Variants in RBFOX3 observed in about 807,000 individuals in gnomAD.
RBFOX3 encodes the protein RNA binding protein fox-1 homolog 3.
Under a neutral mutation model 48.7 loss-of-function variants are expected in RBFOX3, and 17 were observed. The observed-to-expected ratio is 0.35, with a 90% CI of 0.24 to 0.52. The LOEUF (loss-of-function observed/expected upper bound fraction) is 0.52, where lower values mean the gene tolerates loss of function less well. RBFOX3 is among the 20% of genes least tolerant of loss of function. The pLI, the probability that RBFOX3 is intolerant of heterozygous loss-of-function variation, is 0.94. For synonymous variants in RBFOX3, 212 were observed against 209.5 expected, an observed-to-expected ratio of 1.01 and a Z score of -0.10; for missense variants, 382 against 497.5, an observed-to-expected ratio of 0.77 and a Z score of 2.21.
intron 2 of RBFOX3, among the ~76,000 whole-genome samples, chr17:79,463,282 C>T (rs1555750605): frequency 2.1e-5 from 2 of 94,026 alleles, no homozygotes; most frequent in Admixed American, 1.0e-4. Flanking sequence ...CCACCTCCAC[C>T]ACCATCACCA....
At chr17:79,374,456 A>G (rs2058974401) in intron 2 of RBFOX3, among the ~76,000 whole-genome samples, 1 of 152,224 alleles carries the variant, frequency 6.6e-6, no homozygotes, top group African/African-American at 2.4e-5. Context: ...ATAGATGAGA[A>G]TTAAGAAAAC....
chr17:79,324,424 G>A (rs1211197929), intron 2 of RBFOX3, among the ~76,000 whole-genome samples: 2 of 152,194 alleles, frequency 1.3e-5, no homozygotes, highest in African/African-American at 4.8e-5. Context: ...AGCCTCCGAA[G>A]CAAACTCTGT....
chr17:79,091,905 T>C (rs1047840933), intron 14 of RBFOX3: 1 of 949,288 alleles, frequency 1.1e-6, no homozygotes, highest in African/African-American at 1.8e-5. Flanking sequence ...CCACAGCAGT[T>C]TGCACACCAC....
At chr17:79,259,299 C>T (rs1302184168) in intron 3 of RBFOX3, among the ~76,000 whole-genome samples, 1 of 152,198 alleles carries the variant, frequency 6.6e-6, no homozygotes. Flanking sequence ...GGGGAGTGGG[C>T]ACAGCACCGA....
chr17:79,551,558 G>C (rs2091161874), intron 1 of RBFOX3, among the ~76,000 whole-genome samples: 1 of 151,324 alleles, frequency 6.6e-6, no homozygotes. Context: ...TGGATGGGCA[G>C]ATGGAAGGTG....
At chr17:79,096,578 G>T in intron 12 of RBFOX3, 75 bp downstream of exon 12, 1 of 1,310,732 alleles carries the variant, frequency 7.6e-7, no homozygotes, top group Non-Finnish European at 1.1e-6. Flanking sequence ...GGCAGTGAGA[G>T]AGGAGACGCC....
the RBFOX3 span, among the ~76,000 whole-genome samples, chr17:79,641,319 C>T: frequency 3.7e-3 from 564 of 152,064 alleles, 2 homozygotes; most frequent in African/African-American, 0.011. Flanking sequence ...GGCAAGGATG[C>T]GAAGAAAAGG....
At chr17:79,376,693 G>A (rs1245968414) in intron 2 of RBFOX3, among the ~76,000 whole-genome samples, 2 of 152,192 alleles carry the variant, frequency 1.3e-5, no homozygotes, top group African/African-American at 4.8e-5. Context: ...GGAAGAGGAG[G>A]GGTGCAGATT....
intron 1 of RBFOX3, among the ~76,000 whole-genome samples, chr17:79,539,959 C>T (rs1472037173): frequency 6.6e-6 from 1 of 152,160 alleles, no homozygotes; most frequent in Non-Finnish European, 1.5e-5. Context: ...CTTTGTCATT[C>T]ATCTGAAATC....
chr17:79,655,339 G>A, the RBFOX3 span, among the ~76,000 whole-genome samples: 1 of 152,146 alleles, frequency 6.6e-6, no homozygotes, highest in Non-Finnish European at 1.5e-5. Context: ...GAGGCTGTGT[G>A]CCCAGGGAAA....
the RBFOX3 span, among the ~76,000 whole-genome samples, chr17:79,635,390 A>G: frequency 3.9e-5 from 6 of 152,126 alleles, no homozygotes; most frequent in Non-Finnish European, 7.4e-5. Context: ...GGATCCTGGG[A>G]GCCCTGTCCT....
chr17:79,319,723 T>A (rs2078154838), intron 2 of RBFOX3, among the ~76,000 whole-genome samples: 1 of 147,858 alleles, frequency 6.8e-6, no homozygotes, highest in African/African-American at 2.5e-5. Context: ...GGCCAGCTGT[T>A]CTTGTCCAGG....
At chr17:79,572,175 C>A (rs1479440850) in intron 1 of RBFOX3, among the ~76,000 whole-genome samples, 7 of 152,108 alleles carry the variant, frequency 4.6e-5, no homozygotes, top group Non-Finnish European at 1.0e-4. Context: ...GGATTCAGGT[C>A]CCCCTGCAGC....
chr17:79,330,009 C>A lies in RBFOX3; in HGVS notation c.-174-22185G>T, dbSNP rs138277398. Among the ~76,000 whole-genome samples the A allele has an allele frequency of 1.4e-3, 214 of 152,328 alleles. 1 individual carries two copies. Among genetic ancestry groups the A allele is most frequent in the African/African-American group, 4.7e-3 (195 of 41,566 alleles). On this transcript the variant is annotated intron_variant, in intron 2 of 14. Coordinates refer to ENST00000693108, the MANE Select transcript of RBFOX3 (RefSeq NM_001350451.2). ...GCCAGAAAACAGCCCCCAACACCCA[C>A]CCAGGCCTGCATCTCTCAGCTCTCC...
chr17:79,220,556 C>A lies in RBFOX3; in HGVS notation c.-34+15210G>T, dbSNP rs1426541670. ...ATCTCTGTTCAGAGTTGAACTACAG[C>A]GTCCTGATTCCAGCGCTCATCAAGC... On this transcript the variant is annotated intron_variant, in intron 4 of 14. Coordinates refer to ENST00000693108, the MANE Select transcript of RBFOX3 (RefSeq NM_001350451.2). The surrounding 1 kb of genome is among the most constrained non-coding windows in gnomAD (Gnocchi z 5.9). Among the ~76,000 whole-genome samples, 2 of 152,000 alleles carry A rather than the reference C, an allele frequency of 1.3e-5. No homozygotes were observed. Among genetic ancestry groups the A allele is most frequent in the Non-Finnish European group, 2.9e-5 (2 of 68,024 alleles).
chr17:79,532,505 G>A (rs976965512), intron 1 of RBFOX3, among the ~76,000 whole-genome samples: 136 of 152,340 alleles, frequency 8.9e-4, no homozygotes, highest in African/African-American at 3.1e-3. Context: ...AAGGTGAGTG[G>A]ACTGGGCAGG....
chr17:79,355,866 C>T (rs1255569631), intron 2 of RBFOX3, among the ~76,000 whole-genome samples: 1 of 152,208 alleles, frequency 6.6e-6, no homozygotes, highest in Non-Finnish European at 1.5e-5. Flanking sequence ...CAGACGTGAA[C>T]CACCGTGCCT....
chr17:79,153,233 G>T (rs2045002872), intron 4 of RBFOX3, among the ~76,000 whole-genome samples: 1 of 152,222 alleles, frequency 6.6e-6, no homozygotes, highest in South Asian at 2.1e-4. Flanking sequence ...GGACACAGCA[G>T]GCAACGACCA....
the RBFOX3 span, among the ~76,000 whole-genome samples, chr17:79,627,180 T>C: frequency 6.6e-5 from 10 of 152,168 alleles, no homozygotes; most frequent in East Asian, 1.9e-3. Flanking sequence ...AGGAGCCTGG[T>C]CTGTTATTCT....
Sources: allele counts gnomAD v4.1 joint callset (sites outside exome capture counted in the v4.1 genomes callset), GRCh38; gene constraint gnomAD v4.1.1; non-coding constraint Gnocchi (gnomAD v3.1); transcripts MANE v1.5; gene names NCBI Gene and HGNC (gene_info 2026-07-23, HGNC 2026-07-21).